The following PTPRG variants were observed in gnomAD, a reference collection of about 807,000 sequenced individuals.
PTPRG encodes the protein protein tyrosine phosphatase receptor type G, also known as receptor-type tyrosine-protein phosphatase gamma.
Under a neutral mutation model 165.3 loss-of-function variants are expected in PTPRG, and 102 were observed. The ratio of observed to expected loss-of-function variants is 0.62; its 90% confidence interval spans 0.53 to 0.73. The LOEUF (loss-of-function observed/expected upper bound fraction) is 0.73, where lower values mean the gene tolerates loss of function less well. Ranked by LOEUF, PTPRG falls within the 30% of genes least tolerant of loss-of-function variation. The pLI, the probability that PTPRG is intolerant of heterozygous loss-of-function variation, is 0.00. For missense variants in PTPRG, 1,866 were observed against 1,861.4 expected (o/e 1.00, Z -0.05); for synonymous variants, 675 against 669.5 (o/e 1.01, Z -0.13).
chr3:62,130,030 T>G (rs1029860876), intron 5 of PTPRG, among the ~76,000 whole-genome samples: 3 of 152,196 alleles, frequency 2.0e-5, no homozygotes, highest in South Asian at 2.1e-4. Context: ...ATGGCTAAAT[T>G]TTGCTGTGTA....
At chr3:61,759,550 G>A (rs641921) in intron 2 of PTPRG, among the ~76,000 whole-genome samples, 58,211 of 151,750 alleles carry the variant, frequency 0.38, 11,386 homozygotes, top group Non-Finnish European at 0.43. Context: ...CCAGCTACTC[G>A]GAAGGCTGAG....
At chr3:61,673,956 G>A (rs570573477) in intron 1 of PTPRG, among the ~76,000 whole-genome samples, 1 of 146,596 alleles carries the variant, frequency 6.8e-6, no homozygotes, top group South Asian at 2.3e-4. Context: ...AACACTGCTT[G>A]TTGTCATAAG....
At chr3:61,927,510 G>A (rs951254457) in intron 2 of PTPRG, among the ~76,000 whole-genome samples, 6 of 152,368 alleles carry the variant, frequency 3.9e-5, no homozygotes, top group South Asian at 4.1e-4. Context: ...TATGGAAACA[G>A]GATGAACTTG....
intron 4 of PTPRG, among the ~76,000 whole-genome samples, chr3:62,031,439 T>C (rs1306056888): frequency 1.3e-5 from 2 of 152,134 alleles, no homozygotes; most frequent in Non-Finnish European, 2.9e-5. Context: ...CGGATGGCTA[T>C]GGACAGAATG....
intron 2 of PTPRG, among the ~76,000 whole-genome samples, chr3:61,848,362 C>T (rs1052282960): frequency 1.2e-4 from 19 of 152,214 alleles, no homozygotes; most frequent in African/African-American, 3.6e-4. Flanking sequence ...CAAGGGAAAG[C>T]ACTTTGTGTG....
chr3:61,908,411 C>CAAAAAAAAA (rs776421819), intron 2 of PTPRG, among the ~76,000 whole-genome samples: 14 of 57,624 alleles, frequency 2.4e-4, no homozygotes, highest in East Asian at 7.9e-4. Flanking sequence ...GGCAACAGAG[C>CAAAAAAAAA]AAAAAAAAAA....
At chr3:61,775,384 C>A (rs896795284) in intron 2 of PTPRG, among the ~76,000 whole-genome samples, 2 of 152,138 alleles carry the variant, frequency 1.3e-5, no homozygotes, top group Non-Finnish European at 2.9e-5. Context: ...TAAATAAAAT[C>A]CTTTCAGTAA....
intron 6 of PTPRG, among the ~76,000 whole-genome samples, chr3:62,144,944 A>G (rs1383904620): frequency 6.6e-6 from 1 of 152,032 alleles, no homozygotes; most frequent in East Asian, 1.9e-4. Flanking sequence ...TATCGTTTGA[A>G]CAGGATTATG....
chr3:62,162,598 G>A (rs139198072), intron 7 of PTPRG, among the ~76,000 whole-genome samples: 41 of 152,284 alleles, frequency 2.7e-4, no homozygotes, highest in East Asian at 2.1e-3. Flanking sequence ...TTCTTTCTGC[G>A]TTGGGCTATT....
intron 2 of PTPRG, among the ~76,000 whole-genome samples, chr3:61,902,003 A>G (rs989540302): frequency 6.6e-6 from 1 of 152,220 alleles, no homozygotes; most frequent in Non-Finnish European, 1.5e-5. Flanking sequence ...GAAACGTGGT[A>G]ATAAAGAGCA....
intron 2 of PTPRG, among the ~76,000 whole-genome samples, chr3:61,935,245 ATTC>A (rs1298321764): frequency 2.0e-5 from 3 of 152,080 alleles, no homozygotes; most frequent in Non-Finnish European, 4.4e-5. Flanking sequence ...TTGCTCATTT[ATTC>A]TTTAAAAGTG....
At chr3:62,033,911 G>A (rs1456463259) in intron 4 of PTPRG, among the ~76,000 whole-genome samples, 1 of 152,084 alleles carries the variant, frequency 6.6e-6, no homozygotes, top group African/African-American at 2.4e-5. Flanking sequence ...GGGACTACAG[G>A]CGCCCGCTAA....
rs183024641 is a variant in PTPRG, at chr3:62,244,764, G to T, written c.2467+866G>T. Among the ~76,000 whole-genome samples the T allele has an allele frequency of 2.3e-3, 349 of 152,214 alleles. 4 individuals carry two copies. Among genetic ancestry groups the T allele is most frequent in the African/African-American group, 7.8e-3 (325 of 41,528 alleles). ...TTGCTCTCTTCCCACTACAATGAGA[G>T]CTTTATAAGGGCAAGTGGCTATATC... On this transcript the variant is annotated intron_variant, in intron 15 of 29. Coordinates refer to ENST00000474889, the MANE Select transcript of PTPRG (RefSeq NM_002841.4).
chr3:62,174,830 A>T (rs1329496731), intron 8 of PTPRG, among the ~76,000 whole-genome samples: 3 of 152,222 alleles, frequency 2.0e-5, no homozygotes, highest in Non-Finnish European at 4.4e-5. Flanking sequence ...CCCTCCTAGA[A>T]ACTCTTGCAG....
At chr3:62,081,414 C>T (rs1172688537) in intron 5 of PTPRG, among the ~76,000 whole-genome samples, 1 of 152,144 alleles carries the variant, frequency 6.6e-6, no homozygotes, top group Admixed American at 6.5e-5. Context: ...GCAATTATGG[C>T]TCACTACAGC....
chr3:61,934,102 C>T (rs2039428425), intron 2 of PTPRG, among the ~76,000 whole-genome samples: 2 of 152,184 alleles, frequency 1.3e-5, no homozygotes. Context: ...GGTGTTTAGA[C>T]TTTCAGTGGT....
At chr3:61,652,480 A>G (rs1264695984) in intron 1 of PTPRG, among the ~76,000 whole-genome samples, 1 of 149,826 alleles carries the variant, frequency 6.7e-6, no homozygotes, top group Non-Finnish European at 1.5e-5. Context: ...TGGCCAGGAC[A>G]CTTGTTGAGC....
chr3:61,687,741 C>G (rs951509578), intron 1 of PTPRG, among the ~76,000 whole-genome samples: 1 of 152,228 alleles, frequency 6.6e-6, no homozygotes, highest in Non-Finnish European at 1.5e-5. Context: ...TTTGCATTCA[C>G]TTAAACATTT....
At chr3:62,004,257 C>T (rs563726290) in intron 4 of PTPRG, among the ~76,000 whole-genome samples, 1 of 151,986 alleles carries the variant, frequency 6.6e-6, no homozygotes, top group South Asian at 2.1e-4. Context: ...TTGGTAGGTC[C>T]CCCATGTGGT....
Sources: allele counts gnomAD v4.1 joint callset (sites outside exome capture counted in the v4.1 genomes callset), GRCh38; gene constraint gnomAD v4.1.1; transcripts MANE v1.5; gene names NCBI Gene and HGNC (gene_info 2026-07-23, HGNC 2026-07-21).